Variants in GABRE observed in about 807,000 individuals in gnomAD.
The protein encoded by GABRE is gamma-aminobutyric acid type A receptor subunit epsilon.
GABRE carries 20 observed loss-of-function variants against 31.0 expected under a neutral mutation model. The observed-to-expected ratio is 0.64, with a 90% CI of 0.45 to 0.94. The LOEUF (loss-of-function observed/expected upper bound fraction) is 0.94. Ranked by LOEUF, GABRE falls within the 40% of genes least tolerant of loss-of-function variation. GABRE has a pLI of 0.00. For synonymous variants in GABRE, 155 were observed against 150.6 expected (o/e 1.03, Z -0.21); for missense variants, 420 against 410.7 (o/e 1.02, Z -0.20).
intron 3 of GABRE, among the ~76,000 whole-genome samples, chrX:151,963,978 T>C (rs375769497): frequency 1.8e-5 from 2 of 112,284 alleles, no homozygotes; most frequent in South Asian, 3.7e-4. Context: ...CATGGAATTA[T>C]GTCAAAATAA....
In GABRE at chrX:151,955,328, A is replaced by T. The variant is rs1356168634; in HGVS notation, c.1137+40T>A. 8 of 1,208,717 alleles carry T rather than the reference A, an allele frequency of 6.6e-6. No homozygotes were observed. The Admixed American group carries it at 1.7e-4, about 26-fold the overall frequency. On this transcript the variant is annotated intron_variant, in intron 8 of 8. Transcript: ENST00000370328. ...AGTACCCTTGCTAGCATGTCTCTAC[A>T]CTCCAAAGCCTTGCCACCACTCCCA... is the stretch of plus-strand genomic sequence containing the variant.
intron 6 of GABRE, 163 bp from the exon 7 acceptor site, chrX:151,956,023 G>T: frequency 2.0e-6 from 1 of 497,286 alleles, no homozygotes; most frequent in Non-Finnish European, 3.3e-6. Context: ...AAGAAGCCCA[G>T]AAAAAAGACT....
intron 6 of GABRE, 96 bp downstream of exon 6, chrX:151,959,743 G>A: frequency 1.1e-6 from 1 of 944,750 alleles, no homozygotes; most frequent in Non-Finnish European, 1.5e-6. Context: ...GTCTTACAAT[G>A]TTTGCACGGG....
At chrX:151,968,705 T>C (rs1934596626) in intron 3 of GABRE, among the ~76,000 whole-genome samples, 1 of 111,977 alleles carries the variant, frequency 8.9e-6, no homozygotes, top group Non-Finnish European at 1.9e-5. Context: ...ATGCAAGTGA[T>C]TCTTGCAGAG....
intron 1 of GABRE, chrX:151,972,798 A>G (rs1934752398): frequency 6.9e-6 from 2 of 289,297 alleles, no homozygotes; most frequent in African/African-American, 5.9e-5. Context: ...CTGACAATGC[A>G]TACCTTTCCC....
At position 151,955,761 on chromosome X, in the gene GABRE, G is replaced by A. The variant is rs77727101; in HGVS notation, c.884C>T (p.Ser295Phe). 6.6e-6 allele frequency: 8 copies of A among 1,212,051 alleles called. No homozygotes were observed. In the East Asian group the frequency reaches 2.4e-4, roughly 36 times the overall value. ...TGTCTTGATCCAAAAGGAAACCCAG[G>A]AGAGCATCGTGGTCACGGAAGAAGG... is the stretch of plus-strand genomic sequence containing the variant. ...YVPSSVTTML[S>F]WVSFWIKTES... Residue 295 changes from serine (S) to phenylalanine (F), a missense_variant, in exon 7 of 9, where the codon TCC (serine) becomes TTC (phenylalanine). By Grantham distance (155) the Ser-to-Phe change is radical (BLOSUM62 -2). Coordinates refer to ENST00000370328, the MANE Select transcript of GABRE (RefSeq NM_004961.4).
At chrX:151,960,864 C>A (rs1022784545) in intron 5 of GABRE, among the ~76,000 whole-genome samples, 1 of 111,705 alleles carries the variant, frequency 9.0e-6, no homozygotes, top group Non-Finnish European at 1.9e-5. Flanking sequence ...TCTTGATTTG[C>A]GCAACTGGGT....
chrX:151,954,995 A>T lies in GABRE; in HGVS notation c.1227T>A (p.Ile409=), dbSNP rs1473595964. 2 of 1,204,138 alleles carry T rather than the reference A, an allele frequency of 1.7e-6. No individual in the cohort carries two copies. Among genetic ancestry groups the T allele is most frequent in the Non-Finnish European group, 2.2e-6 (2 of 892,312 alleles). ...CTCCATCACTTCCCTCAGTGGTGAC[A>T]ATCTGGCACACAAAAGCTTCCTGAT... The part of the protein sequence containing the change: ...RQHQEAFVCQ[I]VTTEGSDGEE... Residue 409 remains isoleucine (I), a synonymous_variant, in exon 9 of 9, where the codon ATT becomes ATA. Coordinates refer to ENST00000370328, the MANE Select transcript of GABRE (RefSeq NM_004961.4).
chrX:151,963,074 C>G (rs1603100427), intron 3 of GABRE, among the ~76,000 whole-genome samples: 2 of 112,403 alleles, frequency 1.8e-5, no homozygotes, highest in South Asian at 3.7e-4. Context: ...GTTTCGGTTC[C>G]AGAGGAGAGA....
intron 4 of GABRE, 138 bp downstream of exon 4, chrX:151,962,285 G>A (rs1934405083): frequency 1.9e-6 from 1 of 533,457 alleles, no homozygotes; most frequent in Non-Finnish European, 3.2e-6. Flanking sequence ...TAAGGGGGCT[G>A]AGCTCATGGT....
intron 6 of GABRE, chrX:151,959,562 A>G: frequency 2.3e-6 from 1 of 427,211 alleles, no homozygotes; most frequent in Non-Finnish European, 4.5e-6. Context: ...TCTGCATGAA[A>G]AAGCCAGCTG....
At chrX:151,965,492 A>C (rs1934500694) in intron 3 of GABRE, among the ~76,000 whole-genome samples, 1 of 112,027 alleles carries the variant, frequency 8.9e-6, no homozygotes, top group African/African-American at 3.2e-5. Context: ...AAGCAGGCCA[A>C]GGCAGAACTC....
chrX:151,959,582 ACAG>A (rs764431732), intron 6 of GABRE: 42 of 458,259 alleles, frequency 9.2e-5, no homozygotes, highest in Non-Finnish European at 1.4e-4. Flanking sequence ...GCACATTCCG[ACAG>A]CAGCAGAACT....
At chrX:151,973,992 T>C (rs752686790) in intron 1 of GABRE, among the ~76,000 whole-genome samples, 1 of 111,007 alleles carries the variant, frequency 9.0e-6, no homozygotes, top group Non-Finnish European at 1.9e-5. Flanking sequence ...TGCCTGAGAC[T>C]GGCACCAACA....
rs750075406 is a variant in GABRE at position 151,962,513 on chromosome X, C to T, written c.473G>A (p.Arg158Lys). The change falls in exon 4 of 9, where the codon AGG becomes AAG. Residue 158 changes from arginine to lysine, a missense_variant. Transcript: ENST00000370328. ...ATGCTCGTGGGTCCTCTTAGAATTC[C>T]TAAAAAAGGTGTCCGGGATCCATAG... ...SQLWIPDTFF[R>K]NSKRTHEHEI... is the part of the protein sequence containing the mutation. 1 of 1,210,971 alleles carries T rather than the reference C, an allele frequency of 8.3e-7. No individual in the cohort carries two copies. The highest frequency in any genetic ancestry group is 1.1e-6 in the Non-Finnish European group (1 of 895,182).
intron 1 of GABRE, chrX:151,972,127 C>A: frequency 1.3e-6 from 1 of 752,266 alleles, no homozygotes; most frequent in African/African-American, 2.3e-5. Flanking sequence ...CCCTGTATTG[C>A]GGACCAAGGG....
intron 1 of GABRE, among the ~76,000 whole-genome samples, chrX:151,973,094 T>G (rs188408915): frequency 9.0e-6 from 1 of 110,625 alleles, no homozygotes; most frequent in Admixed American, 9.5e-5. Context: ...GAGGCCCAGA[T>G]AGAGGAAGGA....
chrX:151,957,611 A>T, intron 6 of GABRE: 1 of 260,024 alleles, frequency 3.8e-6, no homozygotes, highest in African/African-American at 2.8e-5. Flanking sequence ...AATTTTATTT[A>T]TTCTGGCCAA....
rs1388561249 is a variant in GABRE at position 151,972,344 on chromosome X, G to A, written c.57-1942C>T. ...TCTAGAAGATGTCCTCTTTCCCTGA[G>A]GCCAAACTCCCAGCCATCTCAAAAG... On this transcript the variant is annotated intron_variant, in intron 1 of 8. Transcript: ENST00000370328. 5.3e-6 allele frequency: 4 copies of A among 753,728 alleles called. No individual in the cohort carries two copies. The East Asian group carries it at 4.5e-4, about 85-fold the overall frequency. The allele number at this position is 753,728 out of a possible 1,213,427, so 62.1% of individuals were successfully genotyped here. A position where few individuals can be genotyped will look rare whatever the true frequency, so the allele number is the denominator to read the frequency against.
Sources: gnomAD v4.1 joint callset for allele counts (sites outside exome capture counted in the v4.1 genomes callset) on GRCh38, gnomAD v4.1.1 for gene constraint, MANE v1.5 for transcripts, NCBI Gene and HGNC (gene_info 2026-07-23, HGNC 2026-07-21) for gene names.